Variants in EYA2 observed in about 807,000 individuals in gnomAD.
The protein encoded by EYA2 is EYA transcriptional coactivator and phosphatase 2.
EYA2 carries 31 observed loss-of-function variants against 69.2 expected under a neutral mutation model. That is an observed-to-expected ratio of 0.45 (90% CI 0.34 to 0.60). The LOEUF is 0.60. Ranked by LOEUF, EYA2 falls within the 20% of genes least tolerant of loss-of-function variation. The probability of loss-of-function intolerance (pLI) is 0.02; values close to 1 mark genes in which losing one functional copy is unlikely to be tolerated. For synonymous variants in EYA2, 257 were observed against 279.4 expected, an observed-to-expected ratio of 0.92 and a Z score of 0.80; for missense variants, 622 against 701.2, an observed-to-expected ratio of 0.89 and a Z score of 1.28.
At chr20:46,908,044 A>G (rs894084149) in intron 1 of EYA2, among the ~76,000 whole-genome samples, 25 of 152,170 alleles carry the variant, frequency 1.6e-4, no homozygotes, top group Admixed American at 1.4e-3. Flanking sequence ...TCCATTCACC[A>G]TTCTCCTCCA....
At chr20:46,972,902 A>G (rs1980223840) in intron 1 of EYA2, among the ~76,000 whole-genome samples, 1 of 152,256 alleles carries the variant, frequency 6.6e-6, no homozygotes, top group Admixed American at 6.5e-5. Context: ...CATTATTGGA[A>G]TATTCTGGAA....
intron 1 of EYA2, among the ~76,000 whole-genome samples, chr20:46,921,540 A>G (rs898213458): frequency 3.9e-4 from 60 of 152,262 alleles, no homozygotes; most frequent in Admixed American, 7.2e-4. Context: ...CAGTCACAAC[A>G]TGCTATGCCT....
intron 10 of EYA2, among the ~76,000 whole-genome samples, chr20:47,164,337 A>G (rs1399391010): frequency 6.6e-6 from 1 of 152,098 alleles, no homozygotes; most frequent in Non-Finnish European, 1.5e-5. Context: ...CGCCCCCAAC[A>G]ATCCCCTTAC....
At chr20:47,136,567 G>A (rs2033479728) in intron 9 of EYA2, among the ~76,000 whole-genome samples, 1 of 151,880 alleles carries the variant, frequency 6.6e-6, no homozygotes, top group Non-Finnish European at 1.5e-5. Context: ...CACATAGCAA[G>A]ACCCTGTCTC....
At chr20:47,078,819 A>G (rs1428264972) in intron 7 of EYA2, among the ~76,000 whole-genome samples, 2 of 152,220 alleles carry the variant, frequency 1.3e-5, no homozygotes, top group African/African-American at 2.4e-5. Context: ...AATTTTTTTA[A>G]TCTCTCAAGA....
chr20:47,113,124 C>T (rs112419411), intron 9 of EYA2, among the ~76,000 whole-genome samples: 7,288 of 152,120 alleles, frequency 0.048, 562 homozygotes, highest in African/African-American at 0.16. Context: ...ACGCCCACCT[C>T]AGCCTCCCCA....
intron 1 of EYA2, among the ~76,000 whole-genome samples, chr20:46,956,517 A>T (rs573654689): frequency 6.6e-6 from 1 of 152,272 alleles, no homozygotes; most frequent in Admixed American, 6.5e-5. Context: ...ATAGTGTCTC[A>T]GAGGCAAGTC....
At chr20:47,048,375 CTT>C (rs1159839605) in intron 5 of EYA2, among the ~76,000 whole-genome samples, 2 of 152,300 alleles carry the variant, frequency 1.3e-5, no homozygotes, top group East Asian at 3.9e-4. Context: ...ACTTCCCCCA[CTT>C]TTTTGTTCAA....
At chr20:46,946,029 G>T (rs1978433381) in intron 1 of EYA2, among the ~76,000 whole-genome samples, 2 of 152,186 alleles carry the variant, frequency 1.3e-5, no homozygotes, top group South Asian at 4.1e-4. Flanking sequence ...CACTCTTCGA[G>T]GGTCTTGAGA....
At chr20:47,088,546 C>T (rs897048801) in intron 7 of EYA2, among the ~76,000 whole-genome samples, 1 of 152,134 alleles carries the variant, frequency 6.6e-6, no homozygotes, top group African/African-American at 2.4e-5. Context: ...AAATGAGTCA[C>T]CTTTCAGCCC....
intron 3 of EYA2, among the ~76,000 whole-genome samples, chr20:47,004,024 G>A (rs894231408): frequency 5.9e-5 from 9 of 152,180 alleles, no homozygotes; most frequent in African/African-American, 2.2e-4. Flanking sequence ...ACAATGCTTG[G>A]CAGCACCCAT....
At chr20:46,962,778 T>A (rs1979551234) in intron 1 of EYA2, among the ~76,000 whole-genome samples, 1 of 152,312 alleles carries the variant, frequency 6.6e-6, no homozygotes, top group Admixed American at 6.5e-5. Context: ...GCAGACACTC[T>A]CAGGGCCTTG....
At chr20:47,139,784 C>T (rs1200031271) in intron 9 of EYA2, among the ~76,000 whole-genome samples, 3 of 150,938 alleles carry the variant, frequency 2.0e-5, no homozygotes, top group Non-Finnish European at 4.4e-5. Flanking sequence ...TTCTTTTTTT[C>T]CCCCCATTGT....
At chr20:46,970,275 A>G (rs1980059021) in intron 1 of EYA2, among the ~76,000 whole-genome samples, 1 of 152,206 alleles carries the variant, frequency 6.6e-6, no homozygotes, top group Non-Finnish European at 1.5e-5. Context: ...TTTCCATTTC[A>G]CTACTGTCCT....
intron 9 of EYA2, among the ~76,000 whole-genome samples, chr20:47,142,627 G>A (rs2033620206): frequency 6.6e-6 from 1 of 152,202 alleles, no homozygotes; most frequent in Non-Finnish European, 1.5e-5. Context: ...GTTGGAGAGA[G>A]AGACTCAACA....
At chr20:47,071,418 C>T (rs557565437) in intron 5 of EYA2, among the ~76,000 whole-genome samples, 34 of 152,222 alleles carry the variant, frequency 2.2e-4, no homozygotes, top group South Asian at 4.1e-4. Context: ...CTAGAACTCT[C>T]GTGAATTCCT....
At chr20:46,923,158 A>G (rs1028944543) in intron 1 of EYA2, among the ~76,000 whole-genome samples, 1 of 152,182 alleles carries the variant, frequency 6.6e-6, no homozygotes, top group South Asian at 2.1e-4. Context: ...ACTTGAGGCC[A>G]GGAGTTTGAA....
chr20:47,043,534 C>T (rs1275412965), intron 5 of EYA2, among the ~76,000 whole-genome samples: 1 of 152,178 alleles, frequency 6.6e-6, no homozygotes, highest in East Asian at 1.9e-4. Context: ...GTGCTGTCTT[C>T]AGAAGGTGGT....
rs767652450 is a variant in EYA2, at chr20:47,179,964, ACAGTGGTGGCTCCTG to A, written c.1313+55_1313+69del. 4 of 1,310,446 alleles carry A rather than the reference ACAGTGGTGGCTCCTG, an allele frequency of 3.1e-6. No individual in the cohort carries two copies. In the African/African-American group the frequency reaches 5.8e-5, roughly 19 times the overall value. 81.2% of individuals were successfully genotyped at this position (1,310,446 alleles called of 1,614,324 possible). The stretch of plus-strand genomic sequence containing the variant: ...GTGCCACTGAACTTTCTCGCAGTAG[ACAGTGGTGGCTCCTG>A]CATGTCCACACTTGGGAGAATTGGA... On this transcript the variant is annotated intron_variant, in intron 13 of 15. Transcript: ENST00000327619.
Sources: gnomAD v4.1 joint callset for allele counts (sites outside exome capture counted in the v4.1 genomes callset) on GRCh38, gnomAD v4.1.1 for gene constraint, MANE v1.5 for transcripts, NCBI Gene and HGNC (gene_info 2026-07-23, HGNC 2026-07-21) for gene names.